Variants in BCKDHA observed in about 807,000 individuals in gnomAD.
The protein encoded by BCKDHA is 2-oxoisovalerate dehydrogenase subunit alpha, mitochondrial.
Under a neutral mutation model 52.2 loss-of-function variants are expected in BCKDHA, and 43 were observed. That is an observed-to-expected ratio of 0.82 (90% CI 0.64 to 1.06). BCKDHA has a LOEUF of 1.06. Ranked by LOEUF, BCKDHA falls within the 50% of genes least tolerant of loss-of-function variation. BCKDHA has a pLI of 0.00. For synonymous variants in BCKDHA, 234 were observed against 247.9 expected (o/e 0.94, Z 0.53); for missense variants, 527 against 621.3 (o/e 0.85, Z 1.61).
At chr19:41,415,070 A>T (rs2039293892) in intron 4 of BCKDHA, among the ~76,000 whole-genome samples, 1 of 152,170 alleles carries the variant, frequency 6.6e-6, no homozygotes, top group Non-Finnish European at 1.5e-5. Context: ...ACAGCCCTTC[A>T]GCAGGGCCAG....
intron 4 of BCKDHA, among the ~76,000 whole-genome samples, chr19:41,416,776 A>G (rs1228437129): frequency 6.6e-6 from 1 of 152,008 alleles, no homozygotes; most frequent in Non-Finnish European, 1.5e-5. Flanking sequence ...AAAATTAGCC[A>G]GGCGTGGTGG....
intron 4 of BCKDHA, among the ~76,000 whole-genome samples, chr19:41,415,795 C>T (rs1322378901): frequency 1.3e-5 from 2 of 150,536 alleles, no homozygotes; most frequent in South Asian, 2.1e-4. Context: ...ACTACAGGCG[C>T]CCACCACCAT....
At chr19:41,419,688 C>T (rs572967364) in intron 5 of BCKDHA, among the ~76,000 whole-genome samples, 10 of 149,194 alleles carry the variant, frequency 6.7e-5, no homozygotes, top group African/African-American at 1.5e-4. Context: ...GTGATCCACC[C>T]GCCTCAGCCT....
chr19:41,409,231 TG>T (rs2039225705), intron 1 of BCKDHA, among the ~76,000 whole-genome samples: 1 of 152,210 alleles, frequency 6.6e-6, no homozygotes, highest in South Asian at 2.1e-4. Flanking sequence ...TTTTGTCTTT[TG>T]CATGTTCTAT....
At chr19:41,422,483 G>A (rs561161412) in intron 6 of BCKDHA, 113 bp downstream of exon 6, 62 of 1,570,612 alleles carry the variant, frequency 3.9e-5, no homozygotes, top group Non-Finnish European at 5.3e-5. Context: ...CCTGTGTCCT[G>A]TGGCGTCTGG....
rs1372876781 is a variant in BCKDHA, at chr19:41,410,799, C to A, written c.271C>A (p.Pro91Thr). 3.7e-6 allele frequency: 6 copies of A among 1,614,074 alleles called. No individual in the cohort carries two copies. In the African/African-American group the frequency reaches 5.3e-5, roughly 14 times the overall value. Residue 91 changes from proline to threonine, a missense_variant, in exon 2 of 9, where the codon CCC becomes ACC. Coordinates refer to ENST00000269980, the MANE Select transcript of BCKDHA (RefSeq NM_000709.4). ...VMDRQGQIIN[P>T]SEDPHLPKEK... ...GGACCGGCAAGGCCAGATCATCAAC[C>A]CCAGCGAGGACCCCCACGTGAGAGG... is the stretch of plus-strand genomic sequence containing the variant.
chr19:41,419,746 C>CT (rs201343587), intron 5 of BCKDHA, among the ~76,000 whole-genome samples: 45 of 127,898 alleles, frequency 3.5e-4, no homozygotes, highest in Non-Finnish European at 6.1e-4. Context: ...GCCCAGCCCA[C>CT]TTTTTTTTTT....
chr19:41,422,143 C>G (rs752026035), intron 5 of BCKDHA, 21 bp from the exon 6 acceptor site: 4 of 1,609,428 alleles, frequency 2.5e-6, no homozygotes, highest in Non-Finnish European at 3.4e-6. Flanking sequence ...CCCCTGCTCA[C>G]CACCCTCTCA....
intron 1 of BCKDHA, among the ~76,000 whole-genome samples, chr19:41,403,565 C>T (rs115695485): frequency 0.012 from 1,852 of 152,322 alleles, 43 homozygotes; most frequent in African/African-American, 0.042. Context: ...TGCCTTGGAG[C>T]CTTGGTTTTT....
At chr19:41,420,237 G>C (rs1273773064) in intron 5 of BCKDHA, among the ~76,000 whole-genome samples, 1 of 152,196 alleles carries the variant, frequency 6.6e-6, no homozygotes, top group Admixed American at 6.5e-5. Flanking sequence ...TGTGCACCAG[G>C]TTCCACTGTG....
At chr19:41,422,123 TGA>T in intron 5 of BCKDHA, 39 bp from the exon 6 acceptor site, 1 of 1,581,790 alleles carries the variant, frequency 6.3e-7, no homozygotes, top group Non-Finnish European at 8.6e-7. Flanking sequence ...TGAGTGCATG[TGA>T]GTCTCCGCCC....
intron 1 of BCKDHA, among the ~76,000 whole-genome samples, chr19:41,408,700 C>T (rs2039220462): frequency 6.6e-6 from 1 of 151,998 alleles, no homozygotes; most frequent in Non-Finnish European, 1.5e-5. Flanking sequence ...TTACTGCAGC[C>T]TCCACCTCCT....
At chr19:41,417,063 GT>G (rs1416545469) in intron 4 of BCKDHA, among the ~76,000 whole-genome samples, 1 of 152,158 alleles carries the variant, frequency 6.6e-6, no homozygotes, top group African/African-American at 2.4e-5. Context: ...CCAGGTTGAA[GT>G]GCAGTGGCAT....
rs530972813 is a variant in BCKDHA at position 41,412,380 on chromosome 19, C to CTTTTTTTT, written c.375+1382_375+1389dup. Among the ~76,000 whole-genome samples the CTTTTTTTT allele has an allele frequency of 1.7e-4, 11 of 65,858 alleles. 1 individual carries two copies. Among genetic ancestry groups the CTTTTTTTT allele is most frequent in the African/African-American group, 4.0e-4 (7 of 17,638 alleles). 43.2% of individuals were successfully genotyped at this position (65,858 alleles called of 152,430 possible). ...TCATTCCCTCTGTCTGTAGATATTT[C>CTTTTTTTT]TTTTTTTTTTTTTTTTTTACTTTTG... On this transcript the variant is annotated intron_variant, in intron 3 of 8. Transcript: ENST00000269980.
intron 4 of BCKDHA, among the ~76,000 whole-genome samples, chr19:41,417,664 C>G (rs2039319865): frequency 6.6e-6 from 1 of 152,148 alleles, no homozygotes; most frequent in African/African-American, 2.4e-5. Context: ...GTGGCTCACA[C>G]CTGTAATTGC....
chr19:41,409,374 A>G (rs2039227260), intron 1 of BCKDHA, among the ~76,000 whole-genome samples: 1 of 152,056 alleles, frequency 6.6e-6, no homozygotes, highest in Non-Finnish European at 1.5e-5. Flanking sequence ...CATCATTGTT[A>G]CTTGTTTAGT....
At chr19:41,414,485 C>T (rs765528795) in intron 4 of BCKDHA, among the ~76,000 whole-genome samples, 1 of 152,154 alleles carries the variant, frequency 6.6e-6, no homozygotes, top group Non-Finnish European at 1.5e-5. Flanking sequence ...ATCCAAGGGT[C>T]GCTGGGAGGA....
chr19:41,417,286 G>T (rs1005779810), intron 4 of BCKDHA, among the ~76,000 whole-genome samples: 3 of 152,104 alleles, frequency 2.0e-5, no homozygotes, highest in Non-Finnish European at 2.9e-5. Flanking sequence ...AAAGTGCTGG[G>T]ATTACAGGCA....
At position 41,422,318 on chromosome 19, in the gene BCKDHA, T is replaced by C. The variant is rs1289876973; in HGVS notation, c.801T>C (p.Asn267=). ...CCATCATCTTCTTCTGCCGGAACAA[T>C]GGCTACGCCATCTCCACGCCCACCT... ...ECPIIFFCRN[N]GYAISTPTSE... Residue 267 remains asparagine (N), a synonymous_variant, in exon 6 of 9, where the codon AAT becomes AAC. Transcript: ENST00000269980. The C allele has an allele frequency of 6.2e-7, 1 of 1,614,170 alleles. No homozygotes were observed. The highest frequency in any genetic ancestry group is 1.1e-5 in the South Asian group (1 of 91,084).
Sources: gnomAD v4.1 joint callset for allele counts (sites outside exome capture counted in the v4.1 genomes callset) on GRCh38, gnomAD v4.1.1 for gene constraint, MANE v1.5 for transcripts, NCBI Gene and HGNC (gene_info 2026-07-23, HGNC 2026-07-21) for gene names.